Variants in NALF1 observed in about 807,000 individuals in gnomAD.
The protein encoded by NALF1 is NALCN channel auxiliary factor 1.
Under a neutral mutation model 48.4 loss-of-function variants are expected in NALF1, and 3 were observed. That is an observed-to-expected ratio of 0.06 (90% CI 0.03 to 0.16). The LOEUF (loss-of-function observed/expected upper bound fraction) is 0.16. Among genes scored for constraint, NALF1 ranks in the 10% least tolerant of loss-of-function variants. The pLI, the probability that NALF1 is intolerant of heterozygous loss-of-function variation, is 1.00. For synonymous variants in NALF1, 262 were observed against 245.7 expected (o/e 1.07, Z -0.62); for missense variants, 526 against 571.5 (o/e 0.92, Z 0.81).
intron 2 of NALF1, among the ~76,000 whole-genome samples, chr13:107,195,756 A>G (rs938775024): frequency 2.0e-5 from 3 of 152,260 alleles, no homozygotes; most frequent in Non-Finnish European, 2.9e-5. Context: ...GAAAATTCTC[A>G]GAAGAAAAGA....
At chr13:107,334,555 T>C (rs1882522385) in intron 1 of NALF1, among the ~76,000 whole-genome samples, 1 of 152,198 alleles carries the variant, frequency 6.6e-6, no homozygotes, top group African/African-American at 2.4e-5. Context: ...AAGGTTATTT[T>C]TTCAACAATG....
At chr13:107,617,272 T>C (rs1879404039) in intron 1 of NALF1, among the ~76,000 whole-genome samples, 3 of 152,136 alleles carry the variant, frequency 2.0e-5, no homozygotes, top group African/African-American at 7.2e-5. Flanking sequence ...GGGCCCTGTT[T>C]TGTGAAGAGG....
rs11619828 is a variant in NALF1, at chr13:107,566,517, C to G, written c.915+299165G>C. Among the ~76,000 whole-genome samples, 48 of 152,080 alleles carry G rather than the reference C, an allele frequency of 3.2e-4. No individual in the cohort carries two copies. The Middle Eastern group carries it at 0.014, about 44-fold the overall frequency. On this transcript the variant is annotated intron_variant, in intron 1 of 2. Coordinates refer to ENST00000375915, the MANE Select transcript of NALF1 (RefSeq NM_001080396.3). ...CCCTTTCAGAACACTAAGCAGCCAACGTGATCCAACAAGAAGCAGGTCCAA... is the reference window on the plus strand; with the variant it reads ...CCCTTTCAGAACACTAAGCAGCCAAGGTGATCCAACAAGAAGCAGGTCCAA...
chr13:107,179,671 TAA>T (rs3071017), intron 2 of NALF1, among the ~76,000 whole-genome samples: 3 of 137,656 alleles, frequency 2.2e-5, no homozygotes, highest in Non-Finnish European at 3.1e-5. Context: ...TTTTGAAAAC[TAA>T]AAAAAAAAAA....
chr13:107,737,482 T>C (rs1031292273), intron 1 of NALF1, among the ~76,000 whole-genome samples: 5 of 152,230 alleles, frequency 3.3e-5, no homozygotes, highest in Non-Finnish European at 5.9e-5. Flanking sequence ...CACTCATTAG[T>C]AGAATTTACG....
intron 1 of NALF1, among the ~76,000 whole-genome samples, chr13:107,767,228 T>C (rs981985584): frequency 6.6e-6 from 1 of 151,430 alleles, no homozygotes; most frequent in Non-Finnish European, 1.5e-5. Flanking sequence ...CTTTTAGGAG[T>C]TTTTCTAAAG....
chr13:107,671,501 A>T (rs1041885351), intron 1 of NALF1, among the ~76,000 whole-genome samples: 2 of 152,144 alleles, frequency 1.3e-5, no homozygotes, highest in African/African-American at 4.8e-5. Context: ...AAGAAAATCA[A>T]TGTACATAGT....
At chr13:107,824,641 T>C (rs1000424268) in intron 1 of NALF1, among the ~76,000 whole-genome samples, 2 of 152,324 alleles carry the variant, frequency 1.3e-5, no homozygotes, top group African/African-American at 4.8e-5. Context: ...AGAAAATCAT[T>C]GGTCTCTCAG....
At chr13:107,458,117 C>G (rs1334876200) in intron 1 of NALF1, among the ~76,000 whole-genome samples, 1 of 152,170 alleles carries the variant, frequency 6.6e-6, no homozygotes, top group East Asian at 1.9e-4. Context: ...TTTCAAAAAA[C>G]ATCTCCTTCA....
At chr13:107,416,310 C>T (rs367774642) in intron 1 of NALF1, among the ~76,000 whole-genome samples, 51 of 151,994 alleles carry the variant, frequency 3.4e-4, no homozygotes, top group Middle Eastern at 3.4e-3. Flanking sequence ...CCACTGCACA[C>T]GGCCTAGATG....
chr13:107,641,445 T>G (rs1880153164), intron 1 of NALF1, among the ~76,000 whole-genome samples: 1 of 152,186 alleles, frequency 6.6e-6, no homozygotes, highest in South Asian at 2.1e-4. Context: ...ATTGAGGTGA[T>G]GGATAAGTCC....
intron 1 of NALF1, among the ~76,000 whole-genome samples, chr13:107,252,320 G>T (rs548595014): frequency 1.3e-5 from 2 of 152,172 alleles, no homozygotes; most frequent in East Asian, 3.9e-4. Context: ...GGCTCACAAC[G>T]TGGAGAGTTG....
At chr13:107,777,748 C>T (rs1301189134) in intron 1 of NALF1, among the ~76,000 whole-genome samples, 6 of 152,056 alleles carry the variant, frequency 3.9e-5, no homozygotes, top group African/African-American at 1.4e-4. Flanking sequence ...AATGCAAGAA[C>T]GGCCTAATAC....
rs1266735700 is a variant in NALF1, at chr13:107,167,103, A to T, written c.*3394T>A. 6.6e-6 allele frequency: 1 copy of T among 152,218 alleles called. No individual in the cohort carries two copies. The highest frequency in any genetic ancestry group is 6.5e-5 in the Admixed American group (1 of 15,278). 9.4% of individuals were successfully genotyped at this position (152,218 alleles called of 1,614,324 possible). A position where few individuals can be genotyped will look rare whatever the true frequency, so the allele number is the denominator to read the frequency against. On this transcript the variant is annotated 3_prime_UTR_variant, in exon 3 of 3. Coordinates refer to ENST00000375915, the MANE Select transcript of NALF1 (RefSeq NM_001080396.3). Reference sequence around the variant, plus strand: ...GTACCAACATATTCCAGAAACTGAAATTTCTCTATTGCAGATAAAAAGAAT... The same window carrying T: ...GTACCAACATATTCCAGAAACTGAATTTTCTCTATTGCAGATAAAAAGAAT...
chr13:107,414,873 T>A (rs1464733435), intron 1 of NALF1, among the ~76,000 whole-genome samples: 2 of 151,998 alleles, frequency 1.3e-5, no homozygotes, highest in African/African-American at 4.8e-5. Flanking sequence ...TCATAAATAT[T>A]CAGGCTATAA....
At chr13:107,729,732 GC>G (rs1876255599) in intron 1 of NALF1, among the ~76,000 whole-genome samples, 1 of 152,128 alleles carries the variant, frequency 6.6e-6, no homozygotes, top group Non-Finnish European at 1.5e-5. Context: ...ACCTGCCTCA[GC>G]CTCCCAAAGT....
intron 1 of NALF1, among the ~76,000 whole-genome samples, chr13:107,736,316 C>T (rs984967448): frequency 2.0e-5 from 3 of 152,134 alleles, no homozygotes; most frequent in East Asian, 1.9e-4. Flanking sequence ...GTGGCGGCGG[C>T]GGCATTTCTT....
At chr13:107,583,153 T>A (rs1320371377) in intron 1 of NALF1, among the ~76,000 whole-genome samples, 6 of 152,104 alleles carry the variant, frequency 3.9e-5, no homozygotes, top group Non-Finnish European at 8.8e-5. Flanking sequence ...GAAATAAAGA[T>A]TCTGAATTTG....
chr13:107,799,923 T>G (rs1247038947), intron 1 of NALF1, among the ~76,000 whole-genome samples: 1 of 151,916 alleles, frequency 6.6e-6, no homozygotes, highest in Non-Finnish European at 1.5e-5. Context: ...GAAACAGGAA[T>G]GTATGAGGAA....
Sources: allele counts gnomAD v4.1 joint callset (sites outside exome capture counted in the v4.1 genomes callset), GRCh38; gene constraint gnomAD v4.1.1; transcripts MANE v1.5; gene names NCBI Gene and HGNC (gene_info 2026-07-23, HGNC 2026-07-21).